FUT4: variants seen among roughly 807,000 people sequenced by gnomAD.
FUT4 encodes alpha-(1,3)-fucosyltransferase 4.
A neutral mutation model predicts 3.8 loss-of-function variants in FUT4; 1 was observed. The ratio of observed to expected loss-of-function variants is 0.26; its 90% CI spans 0.09 to 1.25. The LOEUF is 1.25. Among genes scored for constraint, FUT4 ranks in the 50% most tolerant of loss-of-function variants. The probability of loss-of-function intolerance (pLI) is 0.47; values close to 1 mark genes in which losing one functional copy is unlikely to be tolerated. For missense variants in FUT4, 880 were observed against 768.2 expected (o/e 1.15, Z -1.72); for synonymous variants, 417 against 355.3 (o/e 1.17, Z -1.95).
In FUT4 at chr11:94,545,399, C is replaced by T. The variant is rs1405725494; in HGVS notation, c.1266C>T (p.Ile422=). Reference sequence around the variant, plus strand: ...AGAACTCGCAGCACCTGGATTATATCACCGAGAAGCTCTGGCGCAACGCGT... The same window carrying T: ...AGAACTCGCAGCACCTGGATTATATTACCGAGAAGCTCTGGCGCAACGCGT... ...AFENSQHLDY[I]TEKLWRNALL... Residue 422 remains isoleucine, a synonymous_variant, in exon 1 of 1, where the codon ATC becomes ATT. Transcript: ENST00000358752. The T allele has an allele frequency of 3.1e-6, 5 of 1,612,938 alleles. No homozygotes were observed. The highest frequency in any genetic ancestry group is 4.2e-6 in the Non-Finnish European group (5 of 1,179,852).
At position 94,544,315 on chromosome 11, in the gene FUT4, C is replaced by T; in HGVS notation, c.182C>T (p.Ala61Val). Reference sequence around the variant, plus strand: ...TGGCCAGCTCACCTTGCCCTGGCGGCTCGCCCCGCCCGGCACTTGGGAGGA... The same window carrying T: ...TGGCCAGCTCACCTTGCCCTGGCGGTTCGCCCCGCCCGGCACTTGGGAGGA... ...ASWPAHLALA[A>V]RPARHLGGAG... The change falls in exon 1 of 1, where the codon GCT becomes GTT. Residue 61 changes from alanine to valine, a missense_variant. Ala to Val is a moderately conservative substitution (Grantham distance 64). This residue lies in a region of FUT4 where 447 missense variants were observed against 339.5 expected (regional missense o/e 1.32). Coordinates refer to ENST00000358752, the MANE Select transcript of FUT4 (RefSeq NM_002033.4). 6.4e-7 allele frequency: 1 copy of T among 1,557,462 alleles called. No homozygotes were observed. The highest frequency in any genetic ancestry group is 8.6e-7 in the Non-Finnish European group (1 of 1,157,956).
Position 94,545,081 on chromosome 11 carries a change from G to T in FUT4, c.948G>T (p.Trp316Cys), listed in dbSNP as rs764548876. Residue 316 changes from tryptophan (W) to cysteine (C), a missense_variant, in exon 1 of 1, where the codon TGG becomes TGT. Physicochemically the swap from Trp to Cys is radical, Grantham distance 215. This residue lies in a region of FUT4 where 424 missense variants were observed against 400.4 expected (regional missense o/e 1.06). Coordinates refer to ENST00000358752, the MANE Select transcript of FUT4 (RefSeq NM_002033.4). ...GCCTGGCAAGTAACCTCTTCAACTG[G>T]ACGCTCTCCTACCGGGCGGACTCGG... ...LRSLASNLFN[W>C]TLSYRADSDV... 40 of 1,612,568 alleles carry T rather than the reference G, an allele frequency of 2.5e-5. No individual in the cohort carries two copies. The highest frequency in any genetic ancestry group is 8.9e-5 in the East Asian group (4 of 44,874).
At position 94,545,343 on chromosome 11, in the gene FUT4, G is replaced by C; in HGVS notation, c.1210G>C (p.Val404Leu). The C allele has an allele frequency of 6.2e-7, 1 of 1,612,944 alleles. No homozygotes were observed. Among genetic ancestry groups the C allele is most frequent in the Non-Finnish European group, 8.5e-7 (1 of 1,179,886 alleles). The change falls in exon 1 of 1, where the codon GTG becomes CTG. Residue 404 changes from valine to leucine, a missense_variant. Val to Leu is a conservative substitution (Grantham distance 32). Coordinates refer to ENST00000358752, the MANE Select transcript of FUT4 (RefSeq NM_002033.4). ...GCCCGAAATTGGGCTCCTGCACACA[G>C]TGGCCCGCTACAAGTTCTACCTGGC... ...PVPEIGLLHT[V>L]ARYKFYLAFE... is the part of the protein sequence containing the mutation.
rs1272899196 is a variant in FUT4 at position 94,549,759 on chromosome 11, A to T, written c.*4033A>T. The T allele has an allele frequency of 6.0e-6, 1 of 166,998 alleles. No individual in the cohort carries two copies. 10.3% of individuals were successfully genotyped at this position (166,998 alleles called of 1,614,324 possible). On this transcript the variant is annotated 3_prime_UTR_variant, in exon 1 of 1. Transcript: ENST00000358752. Reference sequence around the variant, plus strand: ...TTTAGTTTGGTGAATACTTGCATTGAATACATGTCAAGATGTCAAGTCATT... The same window carrying T: ...TTTAGTTTGGTGAATACTTGCATTGTATACATGTCAAGATGTCAAGTCATT...
Position 94,545,154 on chromosome 11 carries a change from G to A in FUT4, c.1021G>A (p.Asp341Asn). Reference sequence around the variant, plus strand: ...CCTCTACCCCAGAAGCCACCCCGGCGACCCGCCCTCAGGCCTGGCCCCGCC... The same window carrying A: ...CCTCTACCCCAGAAGCCACCCCGGCAACCCGCCCTCAGGCCTGGCCCCGCC... ...GYLYPRSHPG[D>N]PPSGLAPPLS... Residue 341 changes from aspartate to asparagine, a missense_variant, in exon 1 of 1, where the codon GAC becomes AAC. This residue lies in a region of FUT4 where 424 missense variants were observed against 400.4 expected (regional missense o/e 1.06). Transcript: ENST00000358752. The A allele has an allele frequency of 5.6e-6, 9 of 1,609,510 alleles. No individual in the cohort carries two copies. Among genetic ancestry groups the A allele is most frequent in the Non-Finnish European group, 6.8e-6 (8 of 1,179,178 alleles).
rs1429187444 is a variant in FUT4, at chr11:94,545,445, G to C, written c.1312G>C (p.Val438Leu). The change falls in exon 1 of 1, where the codon GTG (valine) becomes CTG (leucine). Residue 438 changes from valine to leucine, a missense_variant. Val to Leu is a conservative substitution (Grantham distance 32). Around this residue, in one of 3 missense-constraint regions of FUT4, gnomAD observed 424 missense variants for 400.4 expected, o/e 1.06. Coordinates refer to ENST00000358752, the MANE Select transcript of FUT4 (RefSeq NM_002033.4). ...RNALLAGAVPVVLGPDRANYE... is the reference protein window; with the variant it reads ...RNALLAGAVPLVLGPDRANYE... Reference sequence around the variant, plus strand: ...CGCGTTGCTCGCTGGGGCGGTGCCGGTGGTGCTGGGCCCAGACCGTGCCAA... The same window carrying C: ...CGCGTTGCTCGCTGGGGCGGTGCCGCTGGTGCTGGGCCCAGACCGTGCCAA... The C allele has an allele frequency of 2.8e-5, 45 of 1,613,114 alleles. No homozygotes were observed. The highest frequency in any genetic ancestry group is 3.4e-5 in the Non-Finnish European group (40 of 1,179,742).
chr11:94,544,572 C>T lies in FUT4; in HGVS notation c.439C>T (p.Arg147Trp). The T allele has an allele frequency of 7.7e-7, 1 of 1,304,540 alleles. No individual in the cohort carries two copies. The highest frequency in any genetic ancestry group is 9.7e-7 in the Non-Finnish European group (1 of 1,033,826). 80.8% of individuals were successfully genotyped at this position (1,304,540 alleles called of 1,614,324 possible). The change falls in exon 1 of 1, where the codon CGG becomes TGG. Residue 147 changes from arginine (R) to tryptophan (W), a missense_variant. Around this residue, in one of 3 missense-constraint regions of FUT4, gnomAD observed 447 missense variants for 339.5 expected, o/e 1.32. Transcript: ENST00000358752. Reference protein sequence around the residue: ...AGGRRGWRRGRGLPWTVCVLA... With the variant: ...AGGRRGWRRGWGLPWTVCVLA... ...CGGGCGGCGCGGGTGGCGCCGAGGC[C>T]GGGGGCTGCCATGGACCGTCTGTGT...
Position 94,545,420 on chromosome 11 carries a change from C to T in FUT4, c.1287C>T (p.Asn429=). The T allele has an allele frequency of 6.2e-7, 1 of 1,613,300 alleles. No individual in the cohort carries two copies. The highest frequency in any genetic ancestry group is 2.2e-5 in the East Asian group (1 of 44,864). The stretch of plus-strand genomic sequence containing the variant: ...ATATCACCGAGAAGCTCTGGCGCAA[C>T]GCGTTGCTCGCTGGGGCGGTGCCGG... ...LDYITEKLWR[N]ALLAGAVPVV... The change falls in exon 1 of 1, where the codon AAC becomes AAT. Residue 429 remains asparagine, a synonymous_variant. Coordinates refer to ENST00000358752, the MANE Select transcript of FUT4 (RefSeq NM_002033.4).
In FUT4 at chr11:94,543,981, C is replaced by G. The variant is rs1361572533; in HGVS notation, c.-153C>G. 9.2e-7 allele frequency: 1 copy of G among 1,090,206 alleles called. No individual in the cohort carries two copies. The highest frequency in any genetic ancestry group is 1.2e-6 in the Non-Finnish European group (1 of 837,930). The allele number at this position is 1,090,206 out of a possible 1,614,324, so 67.5% of individuals were successfully genotyped here. A position where few individuals can be genotyped will look rare whatever the true frequency, so the allele number is the denominator to read the frequency against. ...AGGGCCTGCTCCTGCGCGGCAGCTG[C>G]TTTAGAAGGTCTCGAGCCTCCTGTA... On this transcript the variant is annotated 5_prime_UTR_variant, in exon 1 of 1. Coordinates refer to ENST00000358752, the MANE Select transcript of FUT4 (RefSeq NM_002033.4).
chr11:94,544,564 G>C lies in FUT4; in HGVS notation c.431G>C (p.Arg144Pro). 1.5e-6 allele frequency: 2 copies of C among 1,294,374 alleles called. No individual in the cohort carries two copies. The allele number at this position is 1,294,374 out of a possible 1,614,324, so 80.2% of individuals were successfully genotyped here. A position where few individuals can be genotyped will look rare whatever the true frequency, so the allele number is the denominator to read the frequency against. ...GCGGCGGGCGGGCGGCGCGGGTGGCGCCGAGGCCGGGGGCTGCCATGGACC... is the reference window on the plus strand; with the variant it reads ...GCGGCGGGCGGGCGGCGCGGGTGGCCCCGAGGCCGGGGGCTGCCATGGACC... ...TAAAGGRRGW[R>P]RGRGLPWTVC... Residue 144 changes from arginine (R) to proline (P), a missense_variant, in exon 1 of 1, where the codon CGC becomes CCC. This residue lies in a region of FUT4 where 447 missense variants were observed against 339.5 expected (regional missense o/e 1.32). Transcript: ENST00000358752.
In FUT4 at chr11:94,545,129, C is replaced by T. The variant is rs756267002; in HGVS notation, c.996C>T (p.Tyr332=). 1 of 1,611,952 alleles carries T rather than the reference C, an allele frequency of 6.2e-7. No individual in the cohort carries two copies. The highest frequency in any genetic ancestry group is 8.5e-7 in the Non-Finnish European group (1 of 1,179,738). ...ADSDVFVPYG[Y]LYPRSHPGDP... is the part of the protein sequence containing the mutation. ...CGGACGTCTTTGTGCCTTATGGCTA[C>T]CTCTACCCCAGAAGCCACCCCGGCG... Residue 332 remains tyrosine, a synonymous_variant, in exon 1 of 1, where the codon TAC becomes TAT. Coordinates refer to ENST00000358752, the MANE Select transcript of FUT4 (RefSeq NM_002033.4).
At position 94,548,336 on chromosome 11, in the gene FUT4, A is replaced by G; in HGVS notation, c.*2610A>G. On this transcript the variant is annotated 3_prime_UTR_variant, in exon 1 of 1. Coordinates refer to ENST00000358752, the MANE Select transcript of FUT4 (RefSeq NM_002033.4). Reference sequence around the variant, plus strand: ...TGGCTCACTGCAACCTCCGCCTCCCAGGTTCAAGCGATTCTCCTGCCTCAG... The same window carrying G: ...TGGCTCACTGCAACCTCCGCCTCCCGGGTTCAAGCGATTCTCCTGCCTCAG... 1 of 152,060 alleles carries G rather than the reference A, an allele frequency of 6.6e-6. No homozygotes were observed. Among genetic ancestry groups the G allele is most frequent in the Non-Finnish European group, 1.5e-5 (1 of 68,268 alleles). The allele number at this position is 152,060 out of a possible 1,614,324, so 9.4% of individuals were successfully genotyped here. A position where few individuals can be genotyped will look rare whatever the true frequency, so the allele number is the denominator to read the frequency against.
At position 94,544,065 on chromosome 11, in the gene FUT4, G is replaced by A; in HGVS notation, c.-69G>A. ...AAGGCGAGGGTTCGGGCCACAGTGA[G>A]CGAGGGCCAGGGCGGTGGGCGCGCG... is the stretch of plus-strand genomic sequence containing the variant. On this transcript the variant is annotated 5_prime_UTR_variant, in exon 1 of 1. Coordinates refer to ENST00000358752, the MANE Select transcript of FUT4 (RefSeq NM_002033.4). 2 of 1,353,836 alleles carry A rather than the reference G, an allele frequency of 1.5e-6. No individual in the cohort carries two copies. Among genetic ancestry groups the A allele is most frequent in the Non-Finnish European group, 1.9e-6 (2 of 1,052,180 alleles). The allele number at this position is 1,353,836 out of a possible 1,614,324, so 83.9% of individuals were successfully genotyped here.
At position 94,545,746 on chromosome 11, in the gene FUT4, C is replaced by G. The variant is rs774656660; in HGVS notation, c.*20C>G. 1 of 1,601,226 alleles carries G rather than the reference C, an allele frequency of 6.2e-7. No individual in the cohort carries two copies. Among genetic ancestry groups the G allele is most frequent in the Non-Finnish European group, 8.5e-7 (1 of 1,174,540 alleles). On this transcript the variant is annotated 3_prime_UTR_variant, in exon 1 of 1. Coordinates refer to ENST00000358752, the MANE Select transcript of FUT4 (RefSeq NM_002033.4). ...CGGTGAAGCCGCGCTCCCCTGGAAG[C>G]GACCCAGGGGAGGCCAAGTTGTCAG...
rs1187229298 is a variant in FUT4, at chr11:94,548,033, T to C, written c.*2307T>C. On this transcript the variant is annotated 3_prime_UTR_variant, in exon 1 of 1. Transcript: ENST00000358752. ...ATCTTAAGGTATGTTGTAGAATAAA[T>C]TAAAAGGATAATCTAAATCACCATT... is the stretch of plus-strand genomic sequence containing the variant. 1.2e-5 allele frequency: 2 copies of C among 166,752 alleles called. No homozygotes were observed. Among genetic ancestry groups the C allele is most frequent in the Non-Finnish European group, 2.9e-5 (2 of 68,112 alleles). 10.3% of individuals were successfully genotyped at this position (166,752 alleles called of 1,614,324 possible).
At position 94,544,218 on chromosome 11, in the gene FUT4, G is replaced by A. The variant is rs1277042176; in HGVS notation, c.85G>A (p.Gly29Arg). Residue 29 changes from glycine (G) to arginine (R), a missense_variant, in exon 1 of 1, where the codon GGG (glycine) becomes AGG (arginine). By Grantham distance (125) the Gly-to-Arg change is moderately radical. This residue lies in a region of FUT4 where 447 missense variants were observed against 339.5 expected (regional missense o/e 1.32). Coordinates refer to ENST00000358752, the MANE Select transcript of FUT4 (RefSeq NM_002033.4). ...GGCGGAGGCGCCGCAGGAGGCTCCC[G>A]GGGCCTGGTCGGGCCGGCTGGGCCC... Reference protein sequence around the residue: ...EWAEAPQEAPGAWSGRLGPGR... With the variant: ...EWAEAPQEAPRAWSGRLGPGR... The A allele has an allele frequency of 1.4e-6, 2 of 1,446,252 alleles. No homozygotes were observed. The highest frequency in any genetic ancestry group is 2.9e-5 in the Admixed American group (1 of 34,668). 89.6% of individuals were successfully genotyped at this position (1,446,252 alleles called of 1,614,324 possible).
Position 94,544,786 on chromosome 11 carries a change from G to C in FUT4, c.653G>C (p.Ser218Thr). ...GACTGCCGGCTGCGCTTCAACATCA[G>C]CGGCTGCCGCCTGCTCACCGACCGC... The part of the protein sequence containing the change: ...PPDCRLRFNI[S>T]GCRLLTDRAS... The change falls in exon 1 of 1, where the codon AGC (serine) becomes ACC (threonine). Residue 218 changes from serine (S) to threonine (T), a missense_variant. Physicochemically the swap from Ser to Thr is moderately conservative, Grantham distance 58. Coordinates refer to ENST00000358752, the MANE Select transcript of FUT4 (RefSeq NM_002033.4). 6.3e-7 allele frequency: 1 copy of C among 1,590,182 alleles called. No homozygotes were observed. The highest frequency in any genetic ancestry group is 8.5e-7 in the Non-Finnish European group (1 of 1,175,604).
chr11:94,544,719 G>A lies in FUT4; in HGVS notation c.586G>A (p.Glu196Lys), dbSNP rs779104481. 16 of 1,564,016 alleles carry A rather than the reference G, an allele frequency of 1.0e-5. No homozygotes were observed. The highest frequency in any genetic ancestry group is 1.4e-5 in the African/African-American group (1 of 73,100). ...ACCGGTGGGCGTGCTGCTGTGGTGG[G>A]AGCCCTTCGGGGGGCGCGATAGCGC... ...SRPVGVLLWW[E>K]PFGGRDSAPR... The change falls in exon 1 of 1, where the codon GAG (glutamate) becomes AAG (lysine). Residue 196 changes from glutamate to lysine, a missense_variant. Glu to Lys is a moderately conservative substitution (Grantham distance 56). This residue lies in a region of FUT4 where 447 missense variants were observed against 339.5 expected (regional missense o/e 1.32). Coordinates refer to ENST00000358752, the MANE Select transcript of FUT4 (RefSeq NM_002033.4).
rs142877244 is a variant in FUT4 at position 94,545,681 on chromosome 11, C to G, written c.1548C>G (p.Asp516Glu). 4.0e-4 allele frequency: 648 copies of G among 1,612,140 alleles called. 3 individuals carry two copies. In the African/African-American group the frequency reaches 7.6e-3, roughly 19 times the overall value. The change falls in exon 1 of 1, where the codon GAC (aspartate) becomes GAG (glutamate). Residue 516 changes from aspartate (D) to glutamate (E), a missense_variant. By Grantham distance (45) the Asp-to-Glu change is conservative. Transcript: ENST00000358752. ...RVCQAVQRAG[D>E]RPKSIRNLAS... ...GCCAGGCTGTACAGAGGGCTGGGGACCGGCCCAAGAGCATACGGAACTTGG... is the reference window on the plus strand; with the variant it reads ...GCCAGGCTGTACAGAGGGCTGGGGAGCGGCCCAAGAGCATACGGAACTTGG...
Sources: allele counts gnomAD v4.1 joint callset, GRCh38; gene constraint gnomAD v4.1.1; regional missense constraint gnomAD v4.1.1; transcripts MANE v1.5; gene names NCBI Gene and HGNC (gene_info 2026-07-23, HGNC 2026-07-21).